Variants in RANBP2 observed in about 807,000 individuals in gnomAD.
RANBP2 encodes RAN binding protein 2, also known as E3 SUMO-protein ligase RanBP2.
A neutral mutation model predicts 303.6 loss-of-function variants in RANBP2; 57 were observed. The observed-to-expected ratio is 0.19, with a 90% CI of 0.15 to 0.23. RANBP2 has a LOEUF of 0.23. Among genes scored for constraint, RANBP2 ranks in the 10% least tolerant of loss-of-function variants. The probability of loss-of-function intolerance (pLI) is 1.00; values close to 1 mark genes in which losing one functional copy is unlikely to be tolerated. For missense variants in RANBP2, 3,138 were observed against 3,780.8 expected, an observed-to-expected ratio of 0.83 and a Z score of 4.46; for synonymous variants, 1,167 against 1,301.5, an observed-to-expected ratio of 0.90 and a Z score of 2.23.
the RANBP2 span, among the ~76,000 whole-genome samples, chr2:109,080,711 G>C: frequency 9.9e-5 from 15 of 152,166 alleles, no homozygotes; most frequent in African/African-American, 3.4e-4. Flanking sequence ...TAGAAGCCAT[G>C]TTAACACTGG....
the RANBP2 span, among the ~76,000 whole-genome samples, chr2:109,376,832 T>A: frequency 6.6e-6 from 1 of 152,204 alleles, no homozygotes. Flanking sequence ...TCTCAGCATC[T>A]CTGACAGTAA....
chr2:109,615,218 C>T, the RANBP2 span: 1 of 1,546,836 alleles, frequency 6.5e-7, no homozygotes, highest in Non-Finnish European at 8.7e-7. Context: ...GCGACTCAGA[C>T]AGCGCATCGG....
At chr2:108,934,178 A>G in the RANBP2 span, among the ~76,000 whole-genome samples, 1 of 152,156 alleles carries the variant, frequency 6.6e-6, no homozygotes, top group Non-Finnish European at 1.5e-5. Context: ...AAGCAGAACT[A>G]AAAGTCTGTG....
At chr2:109,450,454 A>G in the RANBP2 span, among the ~76,000 whole-genome samples, 2 of 152,240 alleles carry the variant, frequency 1.3e-5, no homozygotes, top group African/African-American at 4.8e-5. Flanking sequence ...CTTCTAAATC[A>G]GTGCTGTCCA....
chr2:109,396,528 A>AT, the RANBP2 span, among the ~76,000 whole-genome samples: 1 of 152,160 alleles, frequency 6.6e-6, no homozygotes, highest in Non-Finnish European at 1.5e-5. Flanking sequence ...ACCCTTTATC[A>AT]TGCCACTTAA....
At chr2:108,848,016 C>T in the RANBP2 span, among the ~76,000 whole-genome samples, 9 of 152,118 alleles carry the variant, frequency 5.9e-5, no homozygotes, top group African/African-American at 1.4e-4. Context: ...CGCTTACATA[C>T]CCACAGGTAA....
the RANBP2 span, among the ~76,000 whole-genome samples, chr2:109,334,212 GC>G: frequency 6.6e-6 from 1 of 152,116 alleles, no homozygotes; most frequent in South Asian, 2.1e-4. Context: ...GAAAAAATTA[GC>G]CAGGTGTGGT....
At chr2:109,330,271 T>TGAAA in the RANBP2 span, among the ~76,000 whole-genome samples, 1 of 152,180 alleles carries the variant, frequency 6.6e-6, no homozygotes, top group Non-Finnish European at 1.5e-5. Context: ...TTCCTCAATT[T>TGAAA]TGGTGTGCAT....
At chr2:108,991,829 C>CAT in the RANBP2 span, among the ~76,000 whole-genome samples, 1 of 152,182 alleles carries the variant, frequency 6.6e-6, no homozygotes, top group Non-Finnish European at 1.5e-5. Context: ...TTTGGTGAGA[C>CAT]AGAGTCTTGC....
At chr2:109,033,798 C>CA in the RANBP2 span, among the ~76,000 whole-genome samples, 326 of 150,388 alleles carry the variant, frequency 2.2e-3, 3 homozygotes, top group Middle Eastern at 7.0e-3. Flanking sequence ...ACTAAAAATA[C>CA]AAAAAAAATG....
chr2:109,431,802 T>C, the RANBP2 span, among the ~76,000 whole-genome samples: 1 of 152,092 alleles, frequency 6.6e-6, no homozygotes, highest in East Asian at 1.9e-4. Context: ...GCCCAGGCCA[T>C]TGAGGCTGCA....
the RANBP2 span, among the ~76,000 whole-genome samples, chr2:109,681,102 A>G: frequency 6.6e-6 from 1 of 152,224 alleles, no homozygotes; most frequent in African/African-American, 2.4e-5. Context: ...GCTAGTGTGG[A>G]CTAACTGCAG....
chr2:109,078,101 TATATATATATATATATA>T, the RANBP2 span, among the ~76,000 whole-genome samples: 1 of 42,156 alleles, frequency 2.4e-5, no homozygotes, highest in East Asian at 8.7e-4. Flanking sequence ...TATATATATA[TATATATATATATATATA>T]GCGTGTATAT....
the RANBP2 span, among the ~76,000 whole-genome samples, chr2:108,963,153 C>T: frequency 3.9e-5 from 6 of 152,184 alleles, no homozygotes; most frequent in Non-Finnish European, 8.8e-5. Flanking sequence ...ACTGTGTGCA[C>T]GAGTCCAACA....
At chr2:109,392,801 C>T in the RANBP2 span, among the ~76,000 whole-genome samples, 1 of 152,194 alleles carries the variant, frequency 6.6e-6, no homozygotes, top group Non-Finnish European at 1.5e-5. Flanking sequence ...AGGCGTCAGC[C>T]ACCACGCACG....
chr2:108,772,161 G>A (rs1677553173), intron 21 of RANBP2, among the ~76,000 whole-genome samples: 1 of 152,150 alleles, frequency 6.6e-6, no homozygotes, highest in Non-Finnish European at 1.5e-5. Flanking sequence ...AGAGAGAGAA[G>A]GCGGACAAGG....
the RANBP2 span, among the ~76,000 whole-genome samples, chr2:109,438,936 A>G: frequency 0.097 from 14,774 of 152,142 alleles, 1,690 homozygotes; most frequent in African/African-American, 0.27. Context: ...AAATGTTTCC[A>G]CATGCACCAG....
At chr2:108,790,850 C>T in the RANBP2 span, among the ~76,000 whole-genome samples, 2 of 152,146 alleles carry the variant, frequency 1.3e-5, no homozygotes, top group African/African-American at 2.4e-5. Flanking sequence ...CTCCTGGGCT[C>T]AAACGATCCT....
chr2:109,591,026 G>A, the RANBP2 span, among the ~76,000 whole-genome samples: 4 of 152,192 alleles, frequency 2.6e-5, no homozygotes, highest in African/African-American at 7.2e-5. Context: ...ACAAACAGAT[G>A]CCGTTTTAAG....
Sources: allele counts gnomAD v4.1 joint callset (sites outside exome capture counted in the v4.1 genomes callset), GRCh38; gene constraint gnomAD v4.1.1; transcripts MANE v1.5; gene names NCBI Gene and HGNC (gene_info 2026-07-23, HGNC 2026-07-21).